CCDC172: variants seen among roughly 807,000 people sequenced by gnomAD.
CCDC172 encodes coiled-coil domain-containing protein 172.
CCDC172 carries 30 observed loss-of-function variants against 38.0 expected under a neutral mutation model. The ratio of observed to expected loss-of-function variants is 0.79; its 90% confidence interval spans 0.59 to 1.07. The LOEUF (loss-of-function observed/expected upper bound fraction) is 1.07. Ranked by LOEUF, CCDC172 falls within the 50% of genes least tolerant of loss-of-function variation. The probability of loss-of-function intolerance (pLI) is 0.00; values close to 1 mark genes in which losing one functional copy is unlikely to be tolerated. For missense variants in CCDC172, 297 were observed against 290.1 expected, an observed-to-expected ratio of 1.02 and a Z score of -0.17; for synonymous variants, 78 against 88.3, an observed-to-expected ratio of 0.88 and a Z score of 0.66.
intron 5 of CCDC172, among the ~76,000 whole-genome samples, chr10:116,348,579 C>A (rs1169198133): frequency 6.6e-6 from 1 of 152,086 alleles, no homozygotes; most frequent in African/African-American, 2.4e-5. Context: ...TATTCTTACT[C>A]CTTGAGATTG....
chr10:116,360,511 G>C (rs755883849), intron 7 of CCDC172, among the ~76,000 whole-genome samples: 8 of 152,198 alleles, frequency 5.3e-5, no homozygotes, highest in Admixed American at 2.0e-4. Context: ...CACTGGGAAA[G>C]TGCCACTTTG....
chr10:116,337,648 TAA>T (rs1844747756), intron 3 of CCDC172, among the ~76,000 whole-genome samples: 1 of 152,166 alleles, frequency 6.6e-6, no homozygotes, highest in Non-Finnish European at 1.5e-5. Context: ...TACTATAAAA[TAA>T]ATGTTCAAGC....
Position 116,337,923 on chromosome 10 carries a change from C to T in CCDC172, c.166-2811C>T, listed in dbSNP as rs188334745. ...TCAAATGCAGGAACATAAAAAATAA[C>T]TTAAGAAATCAGTTGGGACAACAGT... On this transcript the variant is annotated intron_variant, in intron 3 of 8. Transcript: ENST00000333254. Among the ~76,000 whole-genome samples, 1,014 of 147,798 alleles carry T rather than the reference C, an allele frequency of 6.9e-3. 5 individuals are homozygous for T. The highest frequency in any genetic ancestry group is 0.01 in the Middle Eastern group (3 of 290).
intron 5 of CCDC172, among the ~76,000 whole-genome samples, chr10:116,350,235 T>G (rs1363410423): frequency 6.6e-6 from 1 of 152,190 alleles, no homozygotes; most frequent in East Asian, 1.9e-4. Context: ...TTACTTTGAC[T>G]GCTATTGAGA....
At chr10:116,371,927 C>T (rs919540704) in intron 7 of CCDC172, among the ~76,000 whole-genome samples, 3 of 151,568 alleles carry the variant, frequency 2.0e-5, no homozygotes, top group Non-Finnish European at 4.4e-5. Flanking sequence ...ACTGTGAGGC[C>T]TCAGACCTTC....
chr10:116,377,823 T>G (rs1453324772), intron 7 of CCDC172, among the ~76,000 whole-genome samples: 1 of 152,130 alleles, frequency 6.6e-6, no homozygotes, highest in Non-Finnish European at 1.5e-5. Context: ...AACAGAGATG[T>G]TAAGACATAG....
At chr10:116,341,182 A>T (rs1015453272) in intron 4 of CCDC172, among the ~76,000 whole-genome samples, 1 of 152,070 alleles carries the variant, frequency 6.6e-6, no homozygotes, top group Non-Finnish European at 1.5e-5. Flanking sequence ...ATATTTATGG[A>T]TGTGGCTAAA....
chr10:116,343,532 T>A (rs2577371), intron 5 of CCDC172, among the ~76,000 whole-genome samples: 84,521 of 136,372 alleles, frequency 0.62, 25,574 homozygotes, highest in Non-Finnish European at 0.71. Context: ...TTTTTTTTTT[T>A]AAAAAAATAT....
At chr10:116,328,096 A>G (rs1011391280) in intron 3 of CCDC172, among the ~76,000 whole-genome samples, 1 of 152,124 alleles carries the variant, frequency 6.6e-6, no homozygotes, top group African/African-American at 2.4e-5. Flanking sequence ...TTTCTGGTCA[A>G]TAAATGTATT....
At chr10:116,331,145 A>G (rs950006615) in intron 3 of CCDC172, among the ~76,000 whole-genome samples, 4 of 152,174 alleles carry the variant, frequency 2.6e-5, no homozygotes, top group African/African-American at 7.2e-5. Context: ...TTTCAATACA[A>G]ATGTGGTATT....
chr10:116,332,661 C>T (rs1844679152), intron 3 of CCDC172, among the ~76,000 whole-genome samples: 1 of 151,798 alleles, frequency 6.6e-6, no homozygotes, highest in African/African-American at 2.4e-5. Context: ...TTTAAGGTAA[C>T]CTGTTAGGTT....
At chr10:116,331,292 A>C (rs1017772513) in intron 3 of CCDC172, among the ~76,000 whole-genome samples, 1 of 152,204 alleles carries the variant, frequency 6.6e-6, no homozygotes, top group Non-Finnish European at 1.5e-5. Context: ...TTTTTAGACT[A>C]TGAAGAGGTC....
At chr10:116,355,344 G>A (rs1287438963) in intron 5 of CCDC172, among the ~76,000 whole-genome samples, 2 of 152,184 alleles carry the variant, frequency 1.3e-5, no homozygotes, top group African/African-American at 2.4e-5. Flanking sequence ...GTAACATGCT[G>A]TATAGGTTTG....
At chr10:116,342,720 A>C (rs971943307) in intron 5 of CCDC172, among the ~76,000 whole-genome samples, 3 of 152,064 alleles carry the variant, frequency 2.0e-5, no homozygotes, top group Non-Finnish European at 4.4e-5. Flanking sequence ...GTGGGAGGTG[A>C]TTGGCTCATG....
intron 3 of CCDC172, among the ~76,000 whole-genome samples, chr10:116,332,913 A>AT (rs1384344601): frequency 6.6e-6 from 1 of 152,150 alleles, no homozygotes; most frequent in African/African-American, 2.4e-5. Flanking sequence ...CCCTAATTCT[A>AT]TTTTTTGCAG....
intron 7 of CCDC172, among the ~76,000 whole-genome samples, chr10:116,363,946 A>AT (rs1845093819): frequency 6.6e-6 from 1 of 150,512 alleles, no homozygotes. Flanking sequence ...AAAAAAAAAA[A>AT]AAATAATAAT....
At chr10:116,330,001 T>C (rs1265334212) in intron 3 of CCDC172, among the ~76,000 whole-genome samples, 1 of 152,202 alleles carries the variant, frequency 6.6e-6, no homozygotes, top group African/African-American at 2.4e-5. Context: ...AGAGAGCATG[T>C]GTGCAGTTGT....
chr10:116,366,489 AATTAT>A (rs759558790), intron 7 of CCDC172, among the ~76,000 whole-genome samples: 2 of 152,280 alleles, frequency 1.3e-5, no homozygotes, highest in Non-Finnish European at 2.9e-5. Flanking sequence ...GTTCTGTAAA[AATTAT>A]ATTATACTAT....
chr10:116,379,269 A>G, intron 8 of CCDC172, 54 bp from the exon 9 acceptor site: 1 of 1,035,372 alleles, frequency 9.7e-7, no homozygotes, highest in Non-Finnish European at 1.4e-6. Context: ...TTATGTAATT[A>G]TTTTATTAAG....
Sources: gnomAD v4.1 joint callset for allele counts (sites outside exome capture counted in the v4.1 genomes callset) on GRCh38, gnomAD v4.1.1 for gene constraint, MANE v1.5 for transcripts, NCBI Gene and HGNC (gene_info 2026-07-23, HGNC 2026-07-21) for gene names.